The following ST18 variants were observed in gnomAD, a reference collection of about 807,000 sequenced individuals.
ST18 encodes suppression of tumorigenicity 18 protein.
ST18 carries 50 observed loss-of-function variants against 110.0 expected under a neutral mutation model. That is an observed-to-expected ratio of 0.45 (90% CI 0.36 to 0.58). The LOEUF (loss-of-function observed/expected upper bound fraction) is 0.58. Ranked by LOEUF, ST18 falls within the 20% of genes least tolerant of loss-of-function variation. The pLI, the probability that ST18 is intolerant of heterozygous loss-of-function variation, is 0.00. For missense variants in ST18, 1,306 were observed against 1,280.1 expected (o/e 1.02, Z -0.31); for synonymous variants, 461 against 452.4 (o/e 1.02, Z -0.24).
intron 2 of ST18, among the ~76,000 whole-genome samples, chr8:52,324,503 A>G (rs1040132875): frequency 6.6e-6 from 1 of 152,158 alleles, no homozygotes; most frequent in African/African-American, 2.4e-5. Context: ...ACTATAGCAA[A>G]AAGACAAGGC....
chr8:52,289,448 G>A (rs2095520456), intron 2 of ST18, among the ~76,000 whole-genome samples: 1 of 152,098 alleles, frequency 6.6e-6, no homozygotes, highest in Non-Finnish European at 1.5e-5. Flanking sequence ...TCAGGACTCT[G>A]TCTCAAAACA....
At chr8:52,380,012 T>C (rs1391933788) in intron 2 of ST18, among the ~76,000 whole-genome samples, 1 of 152,182 alleles carries the variant, frequency 6.6e-6, no homozygotes. Context: ...TCTCTCATAG[T>C]TTTTGAATGT....
intron 9 of ST18, among the ~76,000 whole-genome samples, chr8:52,173,022 A>G (rs2065564976): frequency 6.6e-6 from 1 of 152,364 alleles, no homozygotes; most frequent in Admixed American, 6.5e-5. Flanking sequence ...TACATTGTAA[A>G]GGAGATATTA....
intron 2 of ST18, among the ~76,000 whole-genome samples, chr8:52,302,600 T>C (rs1034243577): frequency 5.3e-5 from 8 of 152,148 alleles, no homozygotes; most frequent in African/African-American, 1.7e-4. Flanking sequence ...AATCCAAGGA[T>C]GAGGCAAGGG....
intron 2 of ST18, among the ~76,000 whole-genome samples, chr8:52,374,845 C>T (rs1831624202): frequency 6.6e-6 from 1 of 152,176 alleles, no homozygotes; most frequent in Non-Finnish European, 1.5e-5. Context: ...CATCCATATC[C>T]CTGCAAAGGA....
At chr8:52,232,022 G>A (rs928201764) in intron 2 of ST18, among the ~76,000 whole-genome samples, 2 of 152,186 alleles carry the variant, frequency 1.3e-5, no homozygotes, top group African/African-American at 4.8e-5. Context: ...TGATAAGTTT[G>A]TGGACCATAC....
At chr8:52,193,660 T>C (rs575054745) in intron 8 of ST18, among the ~76,000 whole-genome samples, 2 of 152,366 alleles carry the variant, frequency 1.3e-5, no homozygotes, top group East Asian at 3.9e-4. Flanking sequence ...GACAGGACCC[T>C]GGGGAAAAGT....
At chr8:52,406,538 G>A (rs1056721150) in intron 2 of ST18, 3 of 152,196 alleles carry the variant, frequency 2.0e-5, no homozygotes, top group African/African-American at 4.8e-5. Flanking sequence ...GTGAGGAAGA[G>A]TTAAACAGAA....
chr8:52,305,375 G>C (rs935627298), intron 2 of ST18, among the ~76,000 whole-genome samples: 1 of 152,170 alleles, frequency 6.6e-6, no homozygotes, highest in African/African-American at 2.4e-5. Flanking sequence ...GTACTAAGCT[G>C]TCAGCCTCCT....
intron 2 of ST18, among the ~76,000 whole-genome samples, chr8:52,291,326 T>A (rs929840827): frequency 6.6e-6 from 1 of 152,238 alleles, no homozygotes; most frequent in Non-Finnish European, 1.5e-5. Flanking sequence ...GGCAAGGCAC[T>A]GGCACACAGG....
chr8:52,117,320 G>A (rs555251229), intron 24 of ST18, among the ~76,000 whole-genome samples: 248 of 152,246 alleles, frequency 1.6e-3, no homozygotes, highest in African/African-American at 5.7e-3. Flanking sequence ...TTTGTGGATG[G>A]CTTTCTTCTT....
At chr8:52,147,535 GA>G (rs2057664734) in intron 16 of ST18, among the ~76,000 whole-genome samples, 2 of 152,044 alleles carry the variant, frequency 1.3e-5, no homozygotes, top group African/African-American at 4.8e-5. Flanking sequence ...CCCAGGATTG[GA>G]GGCTTATGCC....
intron 22 of ST18, among the ~76,000 whole-genome samples, chr8:52,126,812 T>C (rs934403584): frequency 5.9e-5 from 9 of 152,234 alleles, no homozygotes; most frequent in Non-Finnish European, 1.5e-5. Context: ...GCAGTGGTGT[T>C]TATAACCCTT....
At chr8:52,156,234 G>A (rs2059985631) in intron 15 of ST18, among the ~76,000 whole-genome samples, 2 of 152,202 alleles carry the variant, frequency 1.3e-5, no homozygotes, top group Admixed American at 6.5e-5. Flanking sequence ...CTGTGGCCGG[G>A]GCAGTCCAGC....
At chr8:52,221,142 C>T (rs1045029738) in intron 4 of ST18, among the ~76,000 whole-genome samples, 2 of 150,012 alleles carry the variant, frequency 1.3e-5, no homozygotes, top group Non-Finnish European at 3.0e-5. Flanking sequence ...TATCTACCTA[C>T]CACTCTATTA....
chr8:52,371,630 T>C (rs770080389), intron 2 of ST18, among the ~76,000 whole-genome samples: 3 of 152,230 alleles, frequency 2.0e-5, no homozygotes, highest in Admixed American at 6.5e-5. Context: ...AATGACATGA[T>C]AAGCTCAACG....
chr8:52,311,770 G>A (rs2095916554), intron 2 of ST18, among the ~76,000 whole-genome samples: 1 of 152,124 alleles, frequency 6.6e-6, no homozygotes, highest in African/African-American at 2.4e-5. Context: ...CACCATGGGG[G>A]AAATGCCCCC....
intron 14 of ST18, among the ~76,000 whole-genome samples, chr8:52,161,008 T>C (rs113120689): frequency 1.1e-4 from 16 of 152,330 alleles, no homozygotes; most frequent in African/African-American, 3.4e-4. Context: ...ATAATTTCAA[T>C]ACAAATAAAT....
intron 2 of ST18, among the ~76,000 whole-genome samples, chr8:52,298,490 TTA>T (rs2095667201): frequency 1.3e-5 from 2 of 152,228 alleles, no homozygotes; most frequent in African/African-American, 4.8e-5. Context: ...TGACTAAAAG[TTA>T]TATATCAAAA....
Sources: gnomAD v4.1 joint callset for allele counts (sites outside exome capture counted in the v4.1 genomes callset) on GRCh38, gnomAD v4.1.1 for gene constraint, MANE v1.5 for transcripts, NCBI Gene and HGNC (gene_info 2026-07-23, HGNC 2026-07-21) for gene names.